Variants in ELAPOR1 observed in about 807,000 individuals in gnomAD.
ELAPOR1 encodes the protein endosome-lysosome associated apoptosis and autophagy regulator 1, also known as endosome/lysosome-associated apoptosis and autophagy regulator 1.
In ELAPOR1, 77 loss-of-function variants were observed where a neutral mutation model predicts 119.7. That is an observed-to-expected ratio of 0.64 (90% confidence interval 0.54 to 0.78). ELAPOR1 has a LOEUF of 0.78. ELAPOR1 is among the 30% of genes least tolerant of loss of function. The probability of loss-of-function intolerance (pLI) is 0.00; values close to 1 mark genes in which losing one functional copy is unlikely to be tolerated. For missense variants in ELAPOR1, 1,115 were observed against 1,270.4 expected (o/e 0.88, Z 1.86); for synonymous variants, 481 against 487.2 (o/e 0.99, Z 0.17).
intron 15 of ELAPOR1, among the ~76,000 whole-genome samples, chr1:109,196,753 G>A (rs1653821842): frequency 6.6e-6 from 1 of 150,862 alleles, no homozygotes; most frequent in Admixed American, 6.6e-5. Flanking sequence ...CACGATCTCT[G>A]CTCACTGCAA....
At chr1:109,148,192 G>A (rs1650304460) in intron 1 of ELAPOR1, among the ~76,000 whole-genome samples, 1 of 111,558 alleles carries the variant, frequency 9.0e-6, no homozygotes, top group South Asian at 3.0e-4. Context: ...AGGCTGGAGT[G>A]CAGTGGCGCA....
chr1:109,187,978 G>A, intron 8 of ELAPOR1, 199 bp from the exon 9 acceptor site: 1 of 1,329,198 alleles, frequency 7.5e-7, no homozygotes, highest in South Asian at 2.3e-5. Context: ...GGCAGATAGT[G>A]ATTGAACACA....
At chr1:109,128,413 A>G (rs1648933121) in intron 1 of ELAPOR1, among the ~76,000 whole-genome samples, 1 of 152,228 alleles carries the variant, frequency 6.6e-6, no homozygotes, top group South Asian at 2.1e-4. Flanking sequence ...TTTGTGCTTG[A>G]AATCAATTAC....
chr1:109,175,816 G>C (rs1162204871), intron 7 of ELAPOR1, among the ~76,000 whole-genome samples: 11 of 94,604 alleles, frequency 1.2e-4, no homozygotes, highest in African/African-American at 4.7e-4. Context: ...GATAGAGCGA[G>C]ACTCAGTCTC....
rs542091971 is a variant in ELAPOR1, at chr1:109,177,362, G to A, written c.952+3525G>A. ...AGACCGGGCGGCTGCCGGGCGGAGG[G>A]GCTCCTCACTTCTCAGACGGGGCGG... On this transcript the variant is annotated intron_variant, in intron 7 of 21. Transcript: ENST00000369939. Among the ~76,000 whole-genome samples the A allele has an allele frequency of 4.7e-5, 4 of 84,818 alleles. 1 individual carries two copies. Among genetic ancestry groups the A allele is most frequent in the Non-Finnish European group, 8.9e-5 (4 of 44,834 alleles). 55.6% of individuals were successfully genotyped at this position (84,818 alleles called of 152,430 possible).
At chr1:109,115,530 C>T (rs1010817658) in intron 1 of ELAPOR1, among the ~76,000 whole-genome samples, 2 of 152,192 alleles carry the variant, frequency 1.3e-5, no homozygotes, top group African/African-American at 2.4e-5. Context: ...CTTCCCACCT[C>T]GGCCTCCCAA....
intron 1 of ELAPOR1, among the ~76,000 whole-genome samples, chr1:109,140,806 A>G (rs1649779941): frequency 6.6e-6 from 1 of 152,220 alleles, no homozygotes; most frequent in South Asian, 2.1e-4. Flanking sequence ...ATTTTAAAGA[A>G]ATAAGTGAAA....
intron 5 of ELAPOR1, 65 bp downstream of exon 5, chr1:109,172,633 A>G: frequency 8.2e-7 from 1 of 1,225,672 alleles, no homozygotes; most frequent in Non-Finnish European, 1.2e-6. Flanking sequence ...TTCCTCAGAG[A>G]GTGCTTCCTC....
intron 17 of ELAPOR1, 76 bp from the exon 18 acceptor site, chr1:109,198,497 G>A: frequency 7.5e-7 from 1 of 1,328,146 alleles, no homozygotes; most frequent in South Asian, 1.3e-5. Flanking sequence ...ATTGCTCCAT[G>A]CGGATTTCTC....
At chr1:109,136,004 T>G (rs922192391) in intron 1 of ELAPOR1, among the ~76,000 whole-genome samples, 5 of 152,156 alleles carry the variant, frequency 3.3e-5, no homozygotes, top group Non-Finnish European at 7.3e-5. Context: ...TTTTCTTTTT[T>G]TCTTTTTTTT....
chr1:109,140,776 G>A (rs1311290708), intron 1 of ELAPOR1, among the ~76,000 whole-genome samples: 1 of 152,218 alleles, frequency 6.6e-6, no homozygotes, highest in African/African-American at 2.4e-5. Context: ...ATTTTATTAA[G>A]TGTCCAGAAT....
At chr1:109,156,938 G>A (rs1570654963) in intron 1 of ELAPOR1, among the ~76,000 whole-genome samples, 1 of 152,304 alleles carries the variant, frequency 6.6e-6, no homozygotes, top group Middle Eastern at 3.4e-3. Flanking sequence ...GTTCCTCCCA[G>A]AGAGGTGCTT....
At chr1:109,194,116 G>T (rs1441760948) in intron 14 of ELAPOR1, among the ~76,000 whole-genome samples, 1 of 152,192 alleles carries the variant, frequency 6.6e-6, no homozygotes, top group Non-Finnish European at 1.5e-5. Flanking sequence ...GGATCCTCTT[G>T]TGTCTTGAGA....
At chr1:109,123,878 C>T (rs1309955356) in intron 1 of ELAPOR1, among the ~76,000 whole-genome samples, 1 of 152,000 alleles carries the variant, frequency 6.6e-6, no homozygotes, top group African/African-American at 2.4e-5. Context: ...TCTTGGCCCA[C>T]TGCAACCTCC....
In ELAPOR1 at chr1:109,203,010, T is replaced by C. The variant is rs1654276214; in HGVS notation, c.3040T>C (p.Ter1014ArgextTer72). 6.2e-7 allele frequency: 1 copy of C among 1,607,214 alleles called. No individual in the cohort carries two copies. Among genetic ancestry groups the C allele is most frequent in the Non-Finnish European group, 8.5e-7 (1 of 1,174,488 alleles). The change falls in exon 22 of 22, where the codon TGA (stop) becomes CGA (arginine). Residue 1014 changes from the stop codon to arginine, a stop_lost. Coordinates refer to ENST00000369939, the MANE Select transcript of ELAPOR1 (RefSeq NM_020775.5). ...CTCAGGAGGCCTAGACATGGACCTG[T>C]GAGAGGCACTGCCTGCCTCACCTGC... is the stretch of plus-strand genomic sequence containing the variant. ...TSSGGLDMDL[*>R]
chr1:109,196,170 A>AT (rs1316259656), intron 15 of ELAPOR1, among the ~76,000 whole-genome samples: 1 of 152,168 alleles, frequency 6.6e-6, no homozygotes, highest in East Asian at 1.9e-4. Flanking sequence ...AAAAAGTGAC[A>AT]ATATAAAGAG....
At chr1:109,188,530 C>T (rs924466579) in intron 9 of ELAPOR1, among the ~76,000 whole-genome samples, 176 bp downstream of exon 9, 2 of 152,296 alleles carry the variant, frequency 1.3e-5, no homozygotes, top group Middle Eastern at 6.8e-3. Flanking sequence ...GGGCTGGCCT[C>T]GTCTGCAGGT....
In ELAPOR1 at chr1:109,173,835, C is replaced by A; in HGVS notation, c.950C>A (p.Ser317Ter). 1 of 1,613,790 alleles carries A rather than the reference C, an allele frequency of 6.2e-7. No individual in the cohort carries two copies. Among genetic ancestry groups the A allele is most frequent in the South Asian group, 1.1e-5 (1 of 91,048 alleles). Reference protein sequence around the residue: ...SCHQCDPDKYSEKGSSSCNVR... With the variant: ...SCHQCDPDKY ...CACCAGTGTGACCCTGACAAATACT[C>A]AGGTGATGTTTCTGAGGGTGGGAAG... Residue 317 changes from serine (S) to a stop codon, truncating the protein, a stop_gained and splice_region_variant, in exon 7 of 22, where the codon TCA becomes TAA. Coordinates refer to ENST00000369939, the MANE Select transcript of ELAPOR1 (RefSeq NM_020775.5). LOFTEE classifies it high-confidence loss of function.
At chr1:109,192,523 G>T in intron 13 of ELAPOR1, 88 bp from the exon 14 acceptor site, 7 of 1,368,888 alleles carry the variant, frequency 5.1e-6, no homozygotes, top group Non-Finnish European at 7.1e-6. Context: ...CAGGATAGAA[G>T]ATTAAGTACC....
Sources: gnomAD v4.1 joint callset for allele counts (sites outside exome capture counted in the v4.1 genomes callset) on GRCh38, gnomAD v4.1.1 for gene constraint, MANE v1.5 for transcripts, NCBI Gene and HGNC (gene_info 2026-07-23, HGNC 2026-07-21) for gene names.